Variants in PGGT1B observed in about 807,000 individuals in gnomAD.
PGGT1B encodes the protein geranylgeranyl transferase type-1 subunit beta.
In PGGT1B, 30 loss-of-function variants were observed where a neutral mutation model predicts 46.1. The ratio of observed to expected loss-of-function variants is 0.65; its 90% CI spans 0.49 to 0.88. The LOEUF (loss-of-function observed/expected upper bound fraction) is 0.88. PGGT1B is among the 40% of genes least tolerant of loss of function. The probability of loss-of-function intolerance (pLI) is 0.00; values close to 1 mark genes in which losing one functional copy is unlikely to be tolerated. For synonymous variants in PGGT1B, 170 were observed against 160.0 expected, an observed-to-expected ratio of 1.06 and a Z score of -0.47; for missense variants, 376 against 455.9, an observed-to-expected ratio of 0.82 and a Z score of 1.60.
rs1756050616 is a variant in PGGT1B at position 115,205,970 on chromosome 5, A to G, written c.*6432T>C. ...GCCTCATTTGCCATTAAAATGGTAA[A>G]AAGTGCAATTACTTATGCACTGACC... On this transcript the variant is annotated 3_prime_UTR_variant, in exon 9 of 9. Transcript: ENST00000419445. The G allele has an allele frequency of 2.0e-5, 3 of 151,940 alleles. No individual in the cohort carries two copies. Among genetic ancestry groups the G allele is most frequent in the African/African-American group, 7.2e-5 (3 of 41,402 alleles). The allele number at this position is 151,940 out of a possible 1,614,324, so 9.4% of individuals were successfully genotyped here. A position where few individuals can be genotyped will look rare whatever the true frequency, so the allele number is the denominator to read the frequency against.
intron 1 of PGGT1B, among the ~76,000 whole-genome samples, chr5:115,256,061 T>C (rs1431386136): frequency 6.6e-6 from 1 of 152,194 alleles, no homozygotes; most frequent in Non-Finnish European, 1.5e-5. Flanking sequence ...TCCCAGGTAA[T>C]TTTAATGTGC....
rs1756159608 is a variant in PGGT1B, at chr5:115,209,450, GTTGTAGTTCTCCAAT to G, written c.*2937_*2951del. On this transcript the variant is annotated 3_prime_UTR_variant, in exon 9 of 9. Coordinates refer to ENST00000419445, the MANE Select transcript of PGGT1B (RefSeq NM_005023.4). ...TTGTAGTTGAGAAACTGTGGGCAGT[GTTGTAGTTCTCCAAT>G]TTGCAGAGCTGTCAGAAACCAGCTG... 1 of 152,116 alleles carries G rather than the reference GTTGTAGTTCTCCAAT, an allele frequency of 6.6e-6. No individual in the cohort carries two copies. The highest frequency in any genetic ancestry group is 2.4e-5 in the African/African-American group (1 of 41,442). The allele number at this position is 152,116 out of a possible 1,614,324, so 9.4% of individuals were successfully genotyped here.
chr5:115,209,641 G>A lies in PGGT1B; in HGVS notation c.*2761C>T, dbSNP rs1408411707. The A allele has an allele frequency of 1.3e-5, 2 of 151,990 alleles. No individual in the cohort carries two copies. The highest frequency in any genetic ancestry group is 2.9e-5 in the Non-Finnish European group (2 of 67,976). 9.4% of individuals were successfully genotyped at this position (151,990 alleles called of 1,614,324 possible). A position where few individuals can be genotyped will look rare whatever the true frequency, so the allele number is the denominator to read the frequency against. On this transcript the variant is annotated 3_prime_UTR_variant, in exon 9 of 9. Coordinates refer to ENST00000419445, the MANE Select transcript of PGGT1B (RefSeq NM_005023.4). Reference sequence around the variant, plus strand: ...TCCTAGTTGCTCTGTATTCTTATGGGGAGATTAGAAAACAACACTGTTGTC... The same window carrying A: ...TCCTAGTTGCTCTGTATTCTTATGGAGAGATTAGAAAACAACACTGTTGTC...
At chr5:115,222,621 C>T (rs1032696158) in intron 6 of PGGT1B, among the ~76,000 whole-genome samples, 3 of 152,164 alleles carry the variant, frequency 2.0e-5, no homozygotes, top group African/African-American at 7.2e-5. Context: ...GATCCCATTA[C>T]TGGGTATATA....
intron 2 of PGGT1B, among the ~76,000 whole-genome samples, chr5:115,243,223 A>G (rs763059825): frequency 2.0e-5 from 3 of 152,244 alleles, no homozygotes; most frequent in Non-Finnish European, 4.4e-5. Context: ...GTCATGATAT[A>G]TCTGAGAATC....
chr5:115,262,680 G>A (rs1431107392), intron 1 of PGGT1B, 32 bp downstream of exon 1: 1 of 1,582,340 alleles, frequency 6.3e-7, no homozygotes, highest in Non-Finnish European at 8.6e-7. Flanking sequence ...CCCGGGCCTT[G>A]TGCCAGCCTG....
intron 6 of PGGT1B, among the ~76,000 whole-genome samples, chr5:115,228,249 G>C (rs928633956): frequency 6.6e-6 from 1 of 152,144 alleles, no homozygotes; most frequent in South Asian, 2.1e-4. Context: ...TCAACACAGA[G>C]ATAATTAATA....
At chr5:115,220,446 G>A (rs1756553506) in intron 7 of PGGT1B, among the ~76,000 whole-genome samples, 1 of 151,774 alleles carries the variant, frequency 6.6e-6, no homozygotes, top group African/African-American at 2.4e-5. Flanking sequence ...CAGGCTGAGG[G>A]GAAAGAAGAA....
At chr5:115,224,941 A>G (rs2126998622) in intron 6 of PGGT1B, among the ~76,000 whole-genome samples, 1 of 152,274 alleles carries the variant, frequency 6.6e-6, no homozygotes, top group East Asian at 1.9e-4. Context: ...ACAAAATTCT[A>G]TTTAAAAACA....
chr5:115,223,210 AC>A (rs1179411571), intron 6 of PGGT1B, among the ~76,000 whole-genome samples: 1 of 152,138 alleles, frequency 6.6e-6, no homozygotes, highest in African/African-American at 2.4e-5. Flanking sequence ...GCACAGCATT[AC>A]TTCAAAACGT....
chr5:115,259,427 C>T (rs189627837), intron 1 of PGGT1B, among the ~76,000 whole-genome samples: 5 of 152,220 alleles, frequency 3.3e-5, no homozygotes, highest in East Asian at 1.9e-4. Context: ...CGGTGGCTCA[C>T]GCCTGTAATC....
chr5:115,232,772 C>A (rs964962144), intron 5 of PGGT1B, among the ~76,000 whole-genome samples: 22 of 151,884 alleles, frequency 1.4e-4, no homozygotes, highest in African/African-American at 5.3e-4. Context: ...GCCTGGTAAA[C>A]ACAGCACTGG....
At chr5:115,245,811 T>C (rs993790380) in intron 2 of PGGT1B, among the ~76,000 whole-genome samples, 2 of 152,126 alleles carry the variant, frequency 1.3e-5, no homozygotes, top group African/African-American at 4.8e-5. Context: ...GAAAAGACAA[T>C]GTAGTATTTT....
intron 1 of PGGT1B, among the ~76,000 whole-genome samples, chr5:115,255,291 C>A (rs956540615): frequency 6.6e-6 from 1 of 152,130 alleles, no homozygotes; most frequent in African/African-American, 2.4e-5. Context: ...TCTCCAAACA[C>A]AATAAACCTT....
chr5:115,220,093 T>C (rs369483877), intron 7 of PGGT1B, among the ~76,000 whole-genome samples: 6 of 151,942 alleles, frequency 3.9e-5, no homozygotes, highest in African/African-American at 1.4e-4. Context: ...CACTCCTATA[T>C]ACATACAGTA....
At chr5:115,235,828 G>A (rs1266123547) in intron 5 of PGGT1B, among the ~76,000 whole-genome samples, 1 of 152,018 alleles carries the variant, frequency 6.6e-6, no homozygotes, top group Non-Finnish European at 1.5e-5. Flanking sequence ...CCTATGAAAA[G>A]TTGAATTAAC....
chr5:115,214,137 A>G (rs373071227), intron 8 of PGGT1B, among the ~76,000 whole-genome samples: 38 of 152,324 alleles, frequency 2.5e-4, no homozygotes, highest in African/African-American at 8.2e-4. Flanking sequence ...TTTCTAGGAA[A>G]AAGTACAACA....
chr5:115,261,099 A>T (rs1748538110), intron 1 of PGGT1B, among the ~76,000 whole-genome samples: 1 of 152,224 alleles, frequency 6.6e-6, no homozygotes, highest in Non-Finnish European at 1.5e-5. Flanking sequence ...CAAAAACAGG[A>T]TGGAAGACTT....
rs561489960 is a variant in PGGT1B at position 115,217,025 on chromosome 5, T to G, written c.844-52A>C. The G allele has an allele frequency of 4.9e-6, 4 of 817,838 alleles. No homozygotes were observed. In the South Asian group the frequency reaches 5.8e-5, roughly 12 times the overall value. 50.7% of individuals were successfully genotyped at this position (817,838 alleles called of 1,614,324 possible). A position where few individuals can be genotyped will look rare whatever the true frequency, so the allele number is the denominator to read the frequency against. On this transcript the variant is annotated intron_variant, in intron 7 of 8. Coordinates refer to ENST00000419445, the MANE Select transcript of PGGT1B (RefSeq NM_005023.4). ...TACTGACATAAAACTCATATCAACCTTTGGCTCAAATTTCAGATACGTGTC... is the reference window on the plus strand; with the variant it reads ...TACTGACATAAAACTCATATCAACCGTTGGCTCAAATTTCAGATACGTGTC...
Sources: gnomAD v4.1 joint callset for allele counts (sites outside exome capture counted in the v4.1 genomes callset) on GRCh38, gnomAD v4.1.1 for gene constraint, MANE v1.5 for transcripts, NCBI Gene and HGNC (gene_info 2026-07-23, HGNC 2026-07-21) for gene names.